Variants in MYO18B observed in about 807,000 individuals in gnomAD.
MYO18B encodes myosin XVIIIB, also known as unconventional myosin-XVIIIb.
A neutral mutation model predicts 273.0 loss-of-function variants in MYO18B; 204 were observed. That is an observed-to-expected ratio of 0.75 (90% confidence interval 0.67 to 0.84). The LOEUF (loss-of-function observed/expected upper bound fraction) is 0.84, where lower values mean the gene tolerates loss of function less well. Among genes scored for constraint, MYO18B ranks in the 40% least tolerant of loss-of-function variants. The probability of loss-of-function intolerance (pLI) is 0.00; values close to 1 mark genes in which losing one functional copy is unlikely to be tolerated. For missense variants in MYO18B, 3,212 were observed against 3,287.6 expected (o/e 0.98, Z 0.56); for synonymous variants, 1,330 against 1,305.7 (o/e 1.02, Z -0.40).
chr22:25,795,537 A>C (rs1250047338), intron 11 of MYO18B, among the ~76,000 whole-genome samples: 1 of 152,244 alleles, frequency 6.6e-6, no homozygotes, highest in Non-Finnish European at 1.5e-5. Context: ...AGTGGGAGCC[A>C]TAATAAATGT....
At chr22:25,966,941 A>G (rs1390626409) in intron 39 of MYO18B, among the ~76,000 whole-genome samples, 2 of 152,214 alleles carry the variant, frequency 1.3e-5, no homozygotes, top group Non-Finnish European at 2.9e-5. Flanking sequence ...TTATCCTGAT[A>G]ATAAAATCTA....
At chr22:25,973,234 A>G (rs909519712) in intron 39 of MYO18B, among the ~76,000 whole-genome samples, 30 of 152,302 alleles carry the variant, frequency 2.0e-4, no homozygotes, top group African/African-American at 6.3e-4. Context: ...TCACACATGC[A>G]AAAGTGAGAG....
Position 25,847,438 on chromosome 22 carries a change from G to A in MYO18B, c.3561G>A (p.Leu1187=), listed in dbSNP as rs757623311. 5.7e-6 allele frequency: 9 copies of A among 1,568,118 alleles called. No homozygotes were observed. Among genetic ancestry groups the A allele is most frequent in the Non-Finnish European group, 7.8e-6 (9 of 1,156,038 alleles). ...CCCTCTATTTGGTCTAGGATGCGCT[G>A]ACCAGCATGATCAAAAGGTCCCGGC... The part of the protein sequence containing the change: ...CSQIKLQMDA[L]TSMIKRSRLH... Residue 1187 remains leucine, a synonymous_variant, in exon 20 of 44, where the codon CTG becomes CTA. Coordinates refer to ENST00000335473, the MANE Select transcript of MYO18B (RefSeq NM_032608.7).
chr22:26,021,376 T>A (rs1935802698), intron 42 of MYO18B, among the ~76,000 whole-genome samples: 1 of 152,216 alleles, frequency 6.6e-6, no homozygotes, highest in African/African-American at 2.4e-5. Context: ...TGGAGCATGA[T>A]TCATAACTTG....
chr22:25,931,857 G>A (rs2092508380), intron 34 of MYO18B, among the ~76,000 whole-genome samples: 2 of 145,168 alleles, frequency 1.4e-5, no homozygotes, highest in African/African-American at 5.2e-5. Context: ...TTTTTTTTTG[G>A]TAGAGATGAA....
chr22:25,972,981 A>C (rs2093051767), intron 39 of MYO18B, among the ~76,000 whole-genome samples: 1 of 150,376 alleles, frequency 6.6e-6, no homozygotes, highest in African/African-American at 2.4e-5. Flanking sequence ...AAAAAAAGAG[A>C]TAGGATCTCC....
In MYO18B at chr22:25,778,477, T is replaced by TTTATTA. The variant is rs561203478; in HGVS notation, c.2068+711_2068+716dup. Among the ~76,000 whole-genome samples the TTTATTA allele has an allele frequency of 1.8e-3, 267 of 151,544 alleles. 3 individuals are homozygous for TTTATTA. The highest frequency in any genetic ancestry group is 0.016 in the Admixed American group (248 of 15,190). ...CAGGCCCTATTCTAAGGATACTAAC[T>TTTATTA]TTATTATTATTATTATTATTGAGAC... On this transcript the variant is annotated intron_variant, in intron 8 of 43. Transcript: ENST00000335473.
In MYO18B at chr22:25,890,756, AT is replaced by A. The variant is rs2091636806; in HGVS notation, c.4317del (p.Ile1439MetfsTer4). On this transcript the variant is annotated frameshift_variant and splice_region_variant, in exon 26 of 44. Coordinates refer to ENST00000335473, the MANE Select transcript of MYO18B (RefSeq NM_032608.7). LOFTEE classifies it high-confidence loss of function. ...RQNTDLLESK[I>X]ADLTSDLADE... ...TTGATCACCCCATTCCCCATCTCAG[AT>A]TGCTGACTTGACCTCTGACCTTGCC... 3 of 1,613,814 alleles carry A rather than the reference AT, an allele frequency of 1.9e-6. No homozygotes were observed. The highest frequency in any genetic ancestry group is 2.5e-6 in the Non-Finnish European group (3 of 1,179,842).
intron 1 of MYO18B, among the ~76,000 whole-genome samples, chr22:25,753,584 G>A (rs1479094595): frequency 1.3e-5 from 2 of 152,204 alleles, no homozygotes; most frequent in African/African-American, 4.8e-5. Flanking sequence ...TCTTGCTGCT[G>A]GTCGATTGTT....
Position 25,843,844 on chromosome 22 carries a change from G to A in MYO18B, c.3318G>A (p.Lys1106=), listed in dbSNP as rs771146917. ...TCACGGGCTGGCTCCACAGAGCCAA[G>A]CCCAACCTCTCGGCCCTGGATGCAC... ...YDLTGWLHRA[K]PNLSALDAPQ... is the part of the protein sequence containing the mutation. The change falls in exon 18 of 44, where the codon AAG becomes AAA. Residue 1106 remains lysine (K), a synonymous_variant. Transcript: ENST00000335473. 5 of 1,613,506 alleles carry A rather than the reference G, an allele frequency of 3.1e-6. No homozygotes were observed. The South Asian group carries it at 5.5e-5, about 18-fold the overall frequency.
intron 1 of MYO18B, among the ~76,000 whole-genome samples, chr22:25,742,820 G>A (rs900667459): frequency 5.9e-5 from 9 of 152,216 alleles, no homozygotes; most frequent in Admixed American, 3.9e-4. Context: ...GAAGGGCAAT[G>A]GAAGTTCATG....
intron 1 of MYO18B, among the ~76,000 whole-genome samples, chr22:25,753,549 T>C (rs1403054916): frequency 6.6e-6 from 1 of 152,154 alleles, no homozygotes; most frequent in Non-Finnish European, 1.5e-5. Context: ...TGTGGGGTGG[T>C]TGTGTTTTCG....
chr22:25,990,455 G>T (rs984829287), intron 39 of MYO18B, among the ~76,000 whole-genome samples: 1 of 152,092 alleles, frequency 6.6e-6, no homozygotes, highest in Non-Finnish European at 1.5e-5. Flanking sequence ...GGAGGCCAAG[G>T]TGGGTGAATC....
intron 34 of MYO18B, among the ~76,000 whole-genome samples, chr22:25,930,194 C>A (rs557988318): frequency 9.6e-4 from 146 of 152,254 alleles, no homozygotes; most frequent in African/African-American, 3.4e-3. Flanking sequence ...CCCTCTTGGT[C>A]CTCCATGGGC....
intron 39 of MYO18B, among the ~76,000 whole-genome samples, chr22:25,986,319 A>G (rs1231091491): frequency 1.3e-5 from 2 of 152,224 alleles, no homozygotes; most frequent in East Asian, 3.9e-4. Flanking sequence ...TAAAGTATAT[A>G]TTTTTTAACT....
intron 3 of MYO18B, 53 bp downstream of exon 3, chr22:25,763,442 G>A: frequency 2.5e-5 from 39 of 1,560,808 alleles, no homozygotes; most frequent in Non-Finnish European, 3.4e-5. Context: ...CCATCATTCT[G>A]TCTTGTGAGC....
chr22:25,898,240 G>T, intron 28 of MYO18B, 67 bp from the exon 29 acceptor site: 1 of 1,540,324 alleles, frequency 6.5e-7, no homozygotes, highest in South Asian at 1.3e-5. Flanking sequence ...GCAACTCCTT[G>T]AAATACAAAG....
chr22:26,011,549 C>T (rs1834781222), intron 42 of MYO18B, among the ~76,000 whole-genome samples: 1 of 152,162 alleles, frequency 6.6e-6, no homozygotes, highest in African/African-American at 2.4e-5. Flanking sequence ...ATGGGCAAGA[C>T]TATGAAGAGA....
At position 26,027,297 on chromosome 22, in the gene MYO18B, C is replaced by T. The variant is rs762049627; in HGVS notation, c.7323C>T (p.Phe2441=). 4.3e-6 allele frequency: 7 copies of T among 1,613,884 alleles called. No homozygotes were observed. Among genetic ancestry groups the T allele is most frequent in the Admixed American group, 1.7e-5 (1 of 60,008 alleles). ...ACGAACGCAAGACCAAAGTGGACTT[C>T]GATGACTTCCTCCCAGCTATCCGGA... ...LDYERKTKVD[F]DDFLPAIRKP... The change falls in exon 43 of 44, where the codon TTC becomes TTT. Residue 2441 remains phenylalanine, a synonymous_variant. Transcript: ENST00000335473. The surrounding 1 kb of genome is among the most constrained non-coding windows in gnomAD (Gnocchi z 4.1).
Sources: gnomAD v4.1 joint callset for allele counts (sites outside exome capture counted in the v4.1 genomes callset) on GRCh38, gnomAD v4.1.1 for gene constraint, Gnocchi (gnomAD v3.1) non-coding constraint, MANE v1.5 for transcripts, NCBI Gene and HGNC (gene_info 2026-07-23, HGNC 2026-07-21) for gene names.